BANP: variants seen among roughly 807,000 people sequenced by gnomAD.
BANP encodes protein BANP.
Under a neutral mutation model 68.1 loss-of-function variants are expected in BANP, and 11 were observed. That is an observed-to-expected ratio of 0.16 (90% CI 0.10 to 0.27). BANP has a LOEUF of 0.27. Ranked by LOEUF, BANP falls within the 10% of genes least tolerant of loss-of-function variation. BANP has a pLI of 1.00. For synonymous variants in BANP, 329 were observed against 303.2 expected, an observed-to-expected ratio of 1.09 and a Z score of -0.88; for missense variants, 504 against 722.7, an observed-to-expected ratio of 0.70 and a Z score of 3.47.
chr16:87,973,259 C>CTTTT (rs59324090), intron 1 of BANP, among the ~76,000 whole-genome samples: 15 of 149,272 alleles, frequency 1.0e-4, no homozygotes, highest in Admixed American at 7.3e-4. Flanking sequence ...GTCATCAGCT[C>CTTTT]TTTTTTTTTT....
At chr16:88,019,916 C>T (rs2075660527) in intron 7 of BANP, among the ~76,000 whole-genome samples, 4 of 152,140 alleles carry the variant, frequency 2.6e-5, no homozygotes, top group Admixed American at 2.6e-4. Context: ...CTGGAAGCTG[C>T]TGAGAGGTGG....
chr16:88,027,826 G>A (rs571813555), intron 8 of BANP, among the ~76,000 whole-genome samples, 176 bp downstream of exon 8: 18 of 152,242 alleles, frequency 1.2e-4, no homozygotes, highest in African/African-American at 2.9e-4. Context: ...GCCTGGCCCC[G>A]TGCGCCCTTC....
At chr16:88,034,608 A>G (rs1288472062) in intron 9 of BANP, among the ~76,000 whole-genome samples, 1 of 3,964 alleles carries the variant, frequency 2.5e-4, no homozygotes, top group Non-Finnish European at 1.9e-3. Flanking sequence ...TCAGCCACAC[A>G]CTGCGTAGCC....
intron 8 of BANP, among the ~76,000 whole-genome samples, chr16:88,028,638 T>C (rs2077476740): frequency 6.6e-6 from 1 of 152,244 alleles, no homozygotes; most frequent in Admixed American, 6.5e-5. Context: ...TGAGGAATTC[T>C]GCCTTGGGAC....
At chr16:88,031,667 A>T (rs529866509) in intron 8 of BANP, among the ~76,000 whole-genome samples, 1 of 151,730 alleles carries the variant, frequency 6.6e-6, no homozygotes, top group African/African-American at 2.4e-5. Context: ...AAAAAAAGAA[A>T]CCCAACATTT....
Position 88,024,175 on chromosome 16 carries a change from C to T in BANP, c.896-3308C>T, listed in dbSNP as rs150728644. On this transcript the variant is annotated intron_variant, in intron 7 of 13. Coordinates refer to ENST00000682872, the MANE Select transcript of BANP (RefSeq NM_001386991.1). ...GCAGAGTCACGTGTGCGGGGCTGTG[C>T]GTGTTCTTCCCGTCTCCCCGAGCAC... Among the ~76,000 whole-genome samples, 477 of 152,300 alleles carry T rather than the reference C, an allele frequency of 3.1e-3. 2 individuals are homozygous for T. Among genetic ancestry groups the T allele is most frequent in the Non-Finnish European group, 5.9e-3 (403 of 68,018 alleles).
At chr16:87,976,724 A>G (rs1285535264) in intron 2 of BANP, among the ~76,000 whole-genome samples, 5 of 152,170 alleles carry the variant, frequency 3.3e-5, no homozygotes, top group Non-Finnish European at 7.3e-5. Flanking sequence ...TTTGGAGACT[A>G]GTTGTATCAT....
Position 88,040,814 on chromosome 16 carries a change from A to G in BANP, c.1311+2803A>G, listed in dbSNP as rs111802893. On this transcript the variant is annotated intron_variant, in intron 11 of 13. Transcript: ENST00000682872. ...CCAGGTGGTTGGGGGAGGGCGAGGA[A>G]CAGCACCCCAACCGGAGTAAGAGAA... is the stretch of plus-strand genomic sequence containing the variant. 4.5e-4 allele frequency among the ~76,000 whole-genome samples: 69 copies of G among 152,348 alleles called. 1 individual carries two copies. The highest frequency in any genetic ancestry group is 1.5e-3 in the African/African-American group (64 of 41,578).
chr16:87,974,175 C>T (rs2061616244), intron 1 of BANP, among the ~76,000 whole-genome samples: 1 of 152,208 alleles, frequency 6.6e-6, no homozygotes, highest in Non-Finnish European at 1.5e-5. Flanking sequence ...ACATGATGGT[C>T]ACATTCATTC....
chr16:88,025,547 C>G (rs1463450628), intron 7 of BANP, among the ~76,000 whole-genome samples: 1 of 152,186 alleles, frequency 6.6e-6, no homozygotes, highest in Non-Finnish European at 1.5e-5. Context: ...CCCTCTCATC[C>G]TACAAATCCC....
intron 12 of BANP, among the ~76,000 whole-genome samples, chr16:88,067,334 C>T (rs2088961754): frequency 6.6e-6 from 1 of 152,144 alleles, no homozygotes; most frequent in Non-Finnish European, 1.5e-5. Flanking sequence ...CCAGGTGTCT[C>T]GCCCCATGCC....
chr16:87,968,423 G>A (rs1357146231), intron 1 of BANP, among the ~76,000 whole-genome samples: 1 of 150,034 alleles, frequency 6.7e-6, no homozygotes, highest in African/African-American at 2.5e-5. Context: ...GGCAGAGGTT[G>A]CGGTGAGCTG....
intron 1 of BANP, among the ~76,000 whole-genome samples, chr16:87,953,009 G>T (rs78789416): frequency 0.012 from 1,828 of 152,198 alleles, 13 homozygotes; most frequent in Non-Finnish European, 0.017. Flanking sequence ...TTAAAAAAGA[G>T]CTTCCATTTG....
chr16:88,027,341 C>T lies in BANP; in HGVS notation c.896-142C>T, dbSNP rs1176790896. 5.6e-6 allele frequency: 5 copies of T among 886,142 alleles called. No individual in the cohort carries two copies. The Admixed American group carries it at 1.0e-4, about 18-fold the overall frequency. The allele number at this position is 886,142 out of a possible 1,614,324, so 54.9% of individuals were successfully genotyped here. On this transcript the variant is annotated intron_variant, in intron 7 of 13. Coordinates refer to ENST00000682872, the MANE Select transcript of BANP (RefSeq NM_001386991.1). ...TTCTGTGCAGTGGGCCTTTCCAGAC[C>T]CTTGCAGGAAGACGGGGCCGGCCTG...
intron 11 of BANP, among the ~76,000 whole-genome samples, chr16:88,056,995 C>G (rs879362472): frequency 1.3e-5 from 2 of 152,208 alleles, no homozygotes; most frequent in Non-Finnish European, 2.9e-5. Flanking sequence ...ATTTAAAACT[C>G]TGTAACTCAA....
intron 3 of BANP, among the ~76,000 whole-genome samples, chr16:87,982,227 G>C (rs1299031705): frequency 6.6e-6 from 1 of 152,206 alleles, no homozygotes; most frequent in Non-Finnish European, 1.5e-5. Context: ...AAGTGGGCAC[G>C]GGAGTGGCCC....
chr16:87,991,110 G>T (rs548606627), intron 4 of BANP, among the ~76,000 whole-genome samples: 195 of 152,308 alleles, frequency 1.3e-3, no homozygotes, highest in African/African-American at 4.5e-3. Context: ...ACATGCTAGG[G>T]CTGAGTACTA....
At chr16:87,953,334 G>T (rs2057365162) in intron 1 of BANP, among the ~76,000 whole-genome samples, 1 of 152,176 alleles carries the variant, frequency 6.6e-6, no homozygotes, top group African/African-American at 2.4e-5. Flanking sequence ...CATCTTGAGT[G>T]GTTTCTTTAG....
chr16:87,995,028 T>C (rs11645688), intron 4 of BANP, among the ~76,000 whole-genome samples: 98,185 of 151,962 alleles, frequency 0.65, 32,256 homozygotes, highest in African/African-American at 0.73. Context: ...TGTGCTCACC[T>C]TATGGCCTTG....
Sources: gnomAD v4.1 joint callset for allele counts (sites outside exome capture counted in the v4.1 genomes callset) on GRCh38, gnomAD v4.1.1 for gene constraint, MANE v1.5 for transcripts, NCBI Gene and HGNC (gene_info 2026-07-23, HGNC 2026-07-21) for gene names.